Variants in PCDHGA1 observed in about 807,000 individuals in gnomAD.
The protein encoded by PCDHGA1 is protocadherin gamma subfamily A, 1.
PCDHGA1 carries 32 observed loss-of-function variants against 58.0 expected under a neutral mutation model. The ratio of observed to expected loss-of-function variants is 0.55; its 90% confidence interval spans 0.42 to 0.74. The LOEUF (loss-of-function observed/expected upper bound fraction) is 0.74, where lower values mean the gene tolerates loss of function less well. Among genes scored for constraint, PCDHGA1 ranks in the 30% least tolerant of loss-of-function variants. The pLI is 0.00. For synonymous variants in PCDHGA1, 498 were observed against 501.1 expected, an observed-to-expected ratio of 0.99 and a Z score of 0.08; for missense variants, 1,205 against 1,182.3, an observed-to-expected ratio of 1.02 and a Z score of -0.28.
intron 1 of PCDHGA1, chr5:141,362,063 T>A: frequency 6.2e-7 from 1 of 1,612,390 alleles, no homozygotes. Flanking sequence ...CAGCGCCTGC[T>A]GGTCGCTGTG....
rs773051819 is a variant in PCDHGA1, at chr5:141,331,236, G to C, written c.552G>C (p.Gln184His). 6.2e-7 allele frequency: 1 copy of C among 1,614,112 alleles called. No homozygotes were observed. The highest frequency in any genetic ancestry group is 8.5e-7 in the Non-Finnish European group (1 of 1,180,036). Reference protein sequence around the residue: ...SNPHFSLDVQQGADGPQHPEM... With the variant: ...SNPHFSLDVQHGADGPQHPEM... ...CTCATTTCTCCCTGGATGTGCAACAGGGAGCCGATGGGCCTCAACATCCAG... is the reference window on the plus strand; with the variant it reads ...CTCATTTCTCCCTGGATGTGCAACACGGAGCCGATGGGCCTCAACATCCAG... Residue 184 changes from glutamine (Q) to histidine (H), a missense_variant, in exon 1 of 4, where the codon CAG becomes CAC. Coordinates refer to ENST00000517417, the MANE Select transcript of PCDHGA1 (RefSeq NM_018912.3).
intron 1 of PCDHGA1, chr5:141,398,772 G>T: frequency 6.2e-7 from 1 of 1,613,910 alleles, no homozygotes; most frequent in Non-Finnish European, 8.5e-7. Flanking sequence ...TGACTGCCTT[G>T]GACGGTGGAC....
At chr5:141,438,538 A>G (rs950527053) in intron 1 of PCDHGA1, among the ~76,000 whole-genome samples, 2 of 145,166 alleles carry the variant, frequency 1.4e-5, no homozygotes, top group African/African-American at 2.6e-5. Context: ...CTTTTCCTCT[A>G]TATCTAAGCC....
chr5:141,430,594 C>T, intron 1 of PCDHGA1: 3 of 563,604 alleles, frequency 5.3e-6, no homozygotes, highest in Non-Finnish European at 5.7e-6. Flanking sequence ...GCCTTGCACG[C>T]GCCTGAAGCA....
chr5:141,482,546 A>C (rs1489817593), intron 1 of PCDHGA1, among the ~76,000 whole-genome samples: 1 of 151,868 alleles, frequency 6.6e-6, no homozygotes, highest in African/African-American at 2.4e-5. Context: ...AAAAAAAAAA[A>C]AAAGATAATG....
rs374049261 is a variant in PCDHGA1, at chr5:141,393,657, C to T, written c.2421+60552C>T. ...CAACGGAAAAGTGGCATACAAATTC[C>T]GGAAAATTAATGAAAAACAAACTCC... On this transcript the variant is annotated intron_variant, in intron 1 of 3. Coordinates refer to ENST00000517417, the MANE Select transcript of PCDHGA1 (RefSeq NM_018912.3). The T allele has an allele frequency of 3.5e-5, 57 of 1,613,744 alleles. No individual in the cohort carries two copies. In the African/African-American group the frequency reaches 6.5e-4, roughly 19 times the overall value.
chr5:141,477,634 G>C lies in PCDHGA1; in HGVS notation c.2422-17173G>C. 2 of 1,614,176 alleles carry C rather than the reference G, an allele frequency of 1.2e-6. No individual in the cohort carries two copies. Among genetic ancestry groups the C allele is most frequent in the Non-Finnish European group, 1.7e-6 (2 of 1,180,034 alleles). On this transcript the variant is annotated intron_variant, in intron 1 of 3. Transcript: ENST00000517417. This position sits in a 1 kb window ranked among gnomAD's most constrained non-coding sequence, Gnocchi z 4.9. Reference sequence around the variant, plus strand: ...AGCAAGGAGCTGAAACCGGGCTAGTGGGTCGCTATTTCACAATAAATCGTG... The same window carrying C: ...AGCAAGGAGCTGAAACCGGGCTAGTCGGTCGCTATTTCACAATAAATCGTG...
intron 1 of PCDHGA1, chr5:141,379,293 A>G (rs1451053160): frequency 6.6e-6 from 1 of 152,248 alleles, no homozygotes; most frequent in Non-Finnish European, 1.5e-5. Context: ...CAAGTTTCCA[A>G]AGGTATATAC....
At chr5:141,446,624 G>C (rs1433894248) in intron 1 of PCDHGA1, among the ~76,000 whole-genome samples, 1 of 151,930 alleles carries the variant, frequency 6.6e-6, no homozygotes, top group African/African-American at 2.4e-5. Flanking sequence ...CTACAGGCGT[G>C]CACCACCACG....
At chr5:141,505,259 C>T in intron 2 of PCDHGA1, 134 bp from the exon 3 acceptor site, 2 of 1,500,262 alleles carry the variant, frequency 1.3e-6, no homozygotes, top group Admixed American at 2.0e-5. Flanking sequence ...GTGCCTCCTA[C>T]CTTGCTGAGA....
chr5:141,432,025 G>T lies in PCDHGA1; in HGVS notation c.2422-62782G>T. ...AGGTTCCTAGCTACAACATCACAGT[G>T]ACCGCCACTGACCGGGGAACCCCGC... On this transcript the variant is annotated intron_variant, in intron 1 of 3. Coordinates refer to ENST00000517417, the MANE Select transcript of PCDHGA1 (RefSeq NM_018912.3). The surrounding 1 kb of genome is among the most constrained non-coding windows in gnomAD (Gnocchi z 6.0). The T allele has an allele frequency of 6.2e-7, 1 of 1,614,158 alleles. No homozygotes were observed. The highest frequency in any genetic ancestry group is 1.1e-5 in the South Asian group (1 of 91,058).
intron 1 of PCDHGA1, among the ~76,000 whole-genome samples, chr5:141,483,272 A>T (rs545719861): frequency 4.4e-4 from 67 of 152,196 alleles, no homozygotes; most frequent in African/African-American, 1.4e-3. Flanking sequence ...TGTTTTAGAA[A>T]TATTATTCTG....
At chr5:141,437,205 A>G (rs1561884114) in intron 1 of PCDHGA1, among the ~76,000 whole-genome samples, 1 of 152,202 alleles carries the variant, frequency 6.6e-6, no homozygotes, top group African/African-American at 2.4e-5. Context: ...ATGTGTTTAC[A>G]TTTATTCTGA....
At chr5:141,339,331 G>T (rs1756827488) in intron 1 of PCDHGA1, 1 of 1,614,128 alleles carries the variant, frequency 6.2e-7, no homozygotes, top group Admixed American at 1.7e-5. Flanking sequence ...ATTCAGTAGA[G>T]GTGGAAATAA....
chr5:141,441,813 A>T, intron 1 of PCDHGA1: 1 of 365,242 alleles, frequency 2.7e-6, no homozygotes, highest in South Asian at 2.3e-5. Context: ...GCTGTACCCC[A>T]GCTCTGGAGC....
chr5:141,502,864 G>GGCTTTTTT (rs2099816401), intron 2 of PCDHGA1, among the ~76,000 whole-genome samples: 1 of 61,572 alleles, frequency 1.6e-5, no homozygotes, highest in Non-Finnish European at 3.0e-5. Flanking sequence ...CTGACTCTCT[G>GGCTTTTTT]TCTTTTTTTT....
chr5:141,391,238 T>A (rs1388439892), intron 1 of PCDHGA1: 1 of 152,120 alleles, frequency 6.6e-6, no homozygotes, highest in Non-Finnish European at 1.5e-5. Flanking sequence ...TTGCTAGGTA[T>A]ATCTAAGCAA....
At chr5:141,340,926 C>A in intron 1 of PCDHGA1, 4 of 1,613,806 alleles carry the variant, frequency 2.5e-6, no homozygotes, top group Non-Finnish European at 3.4e-6. Context: ...CACGGCCAGC[C>A]CCCTCTCTCC....
At chr5:141,498,012 A>T (rs184213306) in intron 2 of PCDHGA1, among the ~76,000 whole-genome samples, 6 of 152,348 alleles carry the variant, frequency 3.9e-5, no homozygotes, top group Non-Finnish European at 8.8e-5. Context: ...CAGTGCACTG[A>T]AGGAGACAAA....
Sources: gnomAD v4.1 joint callset for allele counts (sites outside exome capture counted in the v4.1 genomes callset) on GRCh38, gnomAD v4.1.1 for gene constraint, Gnocchi (gnomAD v3.1) non-coding constraint, MANE v1.5 for transcripts, NCBI Gene and HGNC (gene_info 2026-07-23, HGNC 2026-07-21) for gene names.